The following SLTM variants were observed in gnomAD, a reference collection of about 807,000 sequenced individuals.
SLTM encodes the protein SAFB like transcription modulator.
A neutral mutation model predicts 134.6 loss-of-function variants in SLTM; 43 were observed. That is an observed-to-expected ratio of 0.32 (90% confidence interval 0.25 to 0.41). The LOEUF (loss-of-function observed/expected upper bound fraction) is 0.41. Among genes scored for constraint, SLTM ranks in the 10% least tolerant of loss-of-function variants. The pLI is 1.00. For missense variants in SLTM, 1,055 were observed against 1,288.8 expected (o/e 0.82, Z 2.78); for synonymous variants, 424 against 432.3 (o/e 0.98, Z 0.24).
intron 2 of SLTM, among the ~76,000 whole-genome samples, chr15:58,923,378 A>T (rs903842728): frequency 6.6e-6 from 1 of 152,134 alleles, no homozygotes; most frequent in African/African-American, 2.4e-5. Flanking sequence ...TAAATAAAAT[A>T]ATCTCTAAAA....
chr15:58,890,477 A>G lies in SLTM; in HGVS notation c.1899-16T>C, dbSNP rs754731362. On this transcript the variant is annotated splice_polypyrimidine_tract_variant and intron_variant, in intron 14 of 20. Coordinates refer to ENST00000380516, the MANE Select transcript of SLTM (RefSeq NM_024755.4). ...CTCTCTTCGTCTACCAAAAATCAGT[A>G]TTTAGAAATACTTAAATTATGCTAG... 2.5e-6 allele frequency: 4 copies of G among 1,610,502 alleles called. No homozygotes were observed. In the African/African-American group the frequency reaches 5.4e-5, roughly 22 times the overall value.
At chr15:58,897,773 G>A (rs7496680) in intron 8 of SLTM, among the ~76,000 whole-genome samples, 142,683 of 152,146 alleles carry the variant, frequency 0.94, 67,571 homozygotes, top group Non-Finnish European at 1. Context: ...CTCTAGATTC[G>A]ATAAGAAACA....
At chr15:58,900,070 A>C (rs576881357) in intron 6 of SLTM, 133 bp from the exon 7 acceptor site, 258 of 684,616 alleles carry the variant, frequency 3.8e-4, no homozygotes, top group Non-Finnish European at 5.7e-4. Flanking sequence ...AAAAAAAAAA[A>C]AACACAAGGG....
intron 3 of SLTM, 101 bp from the exon 4 acceptor site, chr15:58,913,797 A>T: frequency 1.2e-6 from 1 of 838,910 alleles, no homozygotes; most frequent in Non-Finnish European, 1.9e-6. Flanking sequence ...GTCAAATTTG[A>T]TCATATTTTA....
chr15:58,914,734 A>C (rs545784631), intron 3 of SLTM, among the ~76,000 whole-genome samples: 21 of 152,238 alleles, frequency 1.4e-4, no homozygotes, highest in African/African-American at 4.1e-4. Context: ...TTTCTATACT[A>C]TTCTGGTATT....
chr15:58,920,291 T>C (rs1248375703), intron 2 of SLTM, among the ~76,000 whole-genome samples: 1 of 151,770 alleles, frequency 6.6e-6, no homozygotes, highest in African/African-American at 2.4e-5. Flanking sequence ...ACTGCACTCA[T>C]GCCTGAGAGA....
chr15:58,903,890 A>G (rs1419855715), intron 5 of SLTM, among the ~76,000 whole-genome samples: 1 of 152,204 alleles, frequency 6.6e-6, no homozygotes, highest in East Asian at 1.9e-4. Context: ...ACAATTTTAG[A>G]TTCATATAAA....
intron 14 of SLTM, among the ~76,000 whole-genome samples, 200 bp from the exon 15 acceptor site, chr15:58,890,661 T>A (rs2034578424): frequency 6.6e-6 from 1 of 152,222 alleles, no homozygotes; most frequent in Admixed American, 6.5e-5. Flanking sequence ...TAAATAAGAC[T>A]GTCAACTGAG....
intron 2 of SLTM, among the ~76,000 whole-genome samples, chr15:58,921,272 T>C (rs2037025620): frequency 6.6e-6 from 1 of 152,216 alleles, no homozygotes; most frequent in East Asian, 1.9e-4. Flanking sequence ...AAAATTAGAT[T>C]ACAAAGCTAG....
chr15:58,881,881 G>C (rs908058507), intron 20 of SLTM, among the ~76,000 whole-genome samples: 1 of 151,866 alleles, frequency 6.6e-6, no homozygotes, highest in Non-Finnish European at 1.5e-5. Context: ...ACAGGCATGA[G>C]CCACTGTGCC....
At chr15:58,933,258 T>C in intron 1 of SLTM, 146 bp downstream of exon 1, 3 of 796,312 alleles carry the variant, frequency 3.8e-6, no homozygotes, top group Non-Finnish European at 5.2e-6. Flanking sequence ...TCCTCCACGC[T>C]CGCGGGAGCC....
At chr15:58,923,091 T>C (rs2037210751) in intron 2 of SLTM, among the ~76,000 whole-genome samples, 1 of 152,116 alleles carries the variant, frequency 6.6e-6, no homozygotes, top group African/African-American at 2.4e-5. Flanking sequence ...GCATGGTAGC[T>C]TGAACCTGTA....
In SLTM at chr15:58,887,214, G is replaced by A; in HGVS notation, c.2690+12C>T. ...GAGACCACTAGGAAAGCATTACATA[G>A]TACACAGCTACCTTGTTTCCCGTTT... is the stretch of plus-strand genomic sequence containing the variant. On this transcript the variant is annotated intron_variant, in intron 18 of 20. Transcript: ENST00000380516. 1 of 1,613,318 alleles carries A rather than the reference G, an allele frequency of 6.2e-7. No homozygotes were observed. Among genetic ancestry groups the A allele is most frequent in the Non-Finnish European group, 8.5e-7 (1 of 1,179,474 alleles).
At chr15:58,895,500 GAA>G (rs1200611056) in intron 9 of SLTM, among the ~76,000 whole-genome samples, 1 of 152,186 alleles carries the variant, frequency 6.6e-6, no homozygotes, top group African/African-American at 2.4e-5. Context: ...GCTGAACAAA[GAA>G]GAGTAAAGAC....
chr15:58,901,413 C>CTATTATATAGGCTATTCCAATATAATA, intron 5 of SLTM, 126 bp from the exon 6 acceptor site: 1 of 718,250 alleles, frequency 1.4e-6, no homozygotes. Flanking sequence ...ATACCTAACA[C>CTATTATATAGGCTATTCCAATATAATA]TAACAAATAA....
chr15:58,910,278 T>C (rs2036165813), intron 5 of SLTM, among the ~76,000 whole-genome samples: 1 of 152,230 alleles, frequency 6.6e-6, no homozygotes. Context: ...TGTTACACTA[T>C]GCAGTATCCC....
At chr15:58,917,922 G>C (rs2036760744) in intron 2 of SLTM, among the ~76,000 whole-genome samples, 1 of 151,846 alleles carries the variant, frequency 6.6e-6, no homozygotes, top group Non-Finnish European at 1.5e-5. Context: ...GCTAATTTTT[G>C]TATTTTTAGT....
rs776075802 is a variant in SLTM, at chr15:58,933,530, G to C, written c.36C>G (p.Ala12=). Residue 12 remains alanine (A), a synonymous_variant, in exon 1 of 21, where the codon GCC becomes GCG. Coordinates refer to ENST00000380516, the MANE Select transcript of SLTM (RefSeq NM_024755.4). ...TTTTACCTTCCGCCTGACCCGAGGC[G>C]GCCGAGGCTGCCACCGCACCGGTAG... The part of the protein sequence containing the change: ...AAATGAVAAS[A]ASGQAEGKKI... The C allele has an allele frequency of 1.7e-5, 27 of 1,596,058 alleles. No individual in the cohort carries two copies. The highest frequency in any genetic ancestry group is 2.2e-5 in the Non-Finnish European group (26 of 1,172,636).
At chr15:58,901,349 G>T in intron 5 of SLTM, 62 bp from the exon 6 acceptor site, 1 of 1,374,930 alleles carries the variant, frequency 7.3e-7, no homozygotes, top group Non-Finnish European at 1.0e-6. Flanking sequence ...TTTAGTAATA[G>T]TACAAAATCA....
Sources: allele counts gnomAD v4.1 joint callset (sites outside exome capture counted in the v4.1 genomes callset), GRCh38; gene constraint gnomAD v4.1.1; transcripts MANE v1.5; gene names NCBI Gene and HGNC (gene_info 2026-07-23, HGNC 2026-07-21).